Variants in TLK1 observed in about 807,000 individuals in gnomAD.
The protein encoded by TLK1 is serine/threonine-protein kinase tousled-like 1.
A neutral mutation model predicts 105.3 loss-of-function variants in TLK1; 24 were observed. The observed-to-expected ratio is 0.23, with a 90% CI of 0.17 to 0.32. The LOEUF (loss-of-function observed/expected upper bound fraction) is 0.32, where lower values mean the gene tolerates loss of function less well. TLK1 is among the 10% of genes least tolerant of loss of function. The pLI is 1.00. For missense variants in TLK1, 558 were observed against 910.5 expected (o/e 0.61, Z 4.98); for synonymous variants, 321 against 310.4 (o/e 1.03, Z -0.36).
At chr2:171,176,615 C>T (rs1397442799) in intron 1 of TLK1, among the ~76,000 whole-genome samples, 1 of 152,154 alleles carries the variant, frequency 6.6e-6, no homozygotes, top group East Asian at 1.9e-4. Flanking sequence ...TCTAATATTA[C>T]CATTGCTCCT....
intron 18 of TLK1, among the ~76,000 whole-genome samples, chr2:171,003,993 C>T (rs56191582): frequency 0.11 from 17,184 of 151,510 alleles, 1,533 homozygotes; most frequent in African/African-American, 0.24. Flanking sequence ...CTTGCTCTGT[C>T]GCCCAGGCAG....
At chr2:171,194,319 C>T (rs1303864463) in intron 1 of TLK1, among the ~76,000 whole-genome samples, 4 of 152,130 alleles carry the variant, frequency 2.6e-5, no homozygotes, top group Non-Finnish European at 5.9e-5. Context: ...TTCCATCTTC[C>T]ACACCTTCAG....
At chr2:171,085,954 GTGCTAATGTT>G (rs1688954427) in intron 2 of TLK1, among the ~76,000 whole-genome samples, 1 of 152,168 alleles carries the variant, frequency 6.6e-6, no homozygotes, top group Non-Finnish European at 1.5e-5. Context: ...TTTGTTCACT[GTGCTAATGTT>G]ATTTTGAGAC....
At chr2:171,094,727 G>A (rs1689381458) in intron 2 of TLK1, among the ~76,000 whole-genome samples, 1 of 152,130 alleles carries the variant, frequency 6.6e-6, no homozygotes, top group South Asian at 2.1e-4. Context: ...TCCTGCCTCA[G>A]CCTCCCGAGT....
chr2:171,041,142 C>G (rs1004934108), intron 11 of TLK1, among the ~76,000 whole-genome samples: 1 of 152,098 alleles, frequency 6.6e-6, no homozygotes, highest in African/African-American at 2.4e-5. Flanking sequence ...ACTACCCAAA[C>G]TATTTACTCT....
chr2:171,086,083 GA>G (rs373969227), intron 2 of TLK1, among the ~76,000 whole-genome samples: 56 of 151,980 alleles, frequency 3.7e-4, no homozygotes, highest in African/African-American at 8.9e-4. Flanking sequence ...AGATGCATAT[GA>G]AAAAAACCTT....
At chr2:171,211,613 G>A (rs755309054) in intron 1 of TLK1, among the ~76,000 whole-genome samples, 8 of 150,936 alleles carry the variant, frequency 5.3e-5, no homozygotes, top group Non-Finnish European at 4.4e-5. Flanking sequence ...GCAATGGCGC[G>A]ATGTTGGTTC....
At chr2:171,177,871 G>A (rs753856433) in intron 1 of TLK1, among the ~76,000 whole-genome samples, 22 of 152,092 alleles carry the variant, frequency 1.4e-4, no homozygotes, top group Non-Finnish European at 2.9e-4. Context: ...TTGGCTCACC[G>A]CAACCTCTGC....
intron 1 of TLK1, among the ~76,000 whole-genome samples, chr2:171,131,101 ATATATC>A (rs148819275): frequency 0.064 from 9,741 of 151,922 alleles, 394 homozygotes; most frequent in South Asian, 0.11. Context: ...GCAGAGATCT[ATATATC>A]TATATATAGA....
At position 171,160,588 on chromosome 2, in the gene TLK1, G is replaced by C; in HGVS notation, c.-160C>G. On this transcript the variant is annotated 5_prime_UTR_variant, in exon 1 of 21. Coordinates refer to ENST00000431350, the MANE Select transcript of TLK1 (RefSeq NM_012290.5). This position sits in a 1 kb window ranked among gnomAD's most constrained non-coding sequence, Gnocchi z 4.4. ...GGGATGGGGGAGGAAACCGAGAAGA[G>C]GGGAGGTGGGGAGGAAAGAGGTGAG... is the stretch of plus-strand genomic sequence containing the variant. 8.7e-7 allele frequency: 1 copy of C among 1,145,350 alleles called. No individual in the cohort carries two copies. 70.9% of individuals were successfully genotyped at this position (1,145,350 alleles called of 1,614,324 possible). A position where few individuals can be genotyped will look rare whatever the true frequency, so the allele number is the denominator to read the frequency against.
Position 171,053,802 on chromosome 2 carries a change from C to T in TLK1, c.691G>A (p.Asp231Asn). The T allele has an allele frequency of 6.2e-7, 1 of 1,610,558 alleles. No individual in the cohort carries two copies. The highest frequency in any genetic ancestry group is 8.5e-7 in the Non-Finnish European group (1 of 1,178,334). ...LAALESNKIQDLEKKEGRIDD... is the reference protein window; with the variant it reads ...LAALESNKIQNLEKKEGRIDD... The stretch of plus-strand genomic sequence containing the variant: ...ATACGTCCCTCCTTCTTTTCCAGGT[C>T]CTGGATTTTATTACTTTCTAATGCT... The change falls in exon 8 of 21, where the codon GAC becomes AAC. Residue 231 changes from aspartate to asparagine, a missense_variant. Transcript: ENST00000431350.
intron 2 of TLK1, among the ~76,000 whole-genome samples, chr2:171,106,733 C>T (rs568641496): frequency 6.6e-6 from 1 of 152,294 alleles, no homozygotes; most frequent in African/African-American, 2.4e-5. Flanking sequence ...AATTTGCCTA[C>T]CTATTAATAC....
intron 1 of TLK1, among the ~76,000 whole-genome samples, chr2:171,152,622 G>T (rs1387576151): frequency 6.6e-6 from 1 of 151,940 alleles, no homozygotes; most frequent in East Asian, 1.9e-4. Flanking sequence ...TCTTCCCCTT[G>T]CCCATACTGA....
At chr2:171,181,185 T>C (rs945910034) in intron 1 of TLK1, among the ~76,000 whole-genome samples, 3 of 152,196 alleles carry the variant, frequency 2.0e-5, no homozygotes, top group Non-Finnish European at 4.4e-5. Context: ...TCAAAGTTGG[T>C]AGTTGTAAAA....
Position 171,216,333 on chromosome 2 carries a change from G to A in TLK1, c.-6+14812C>T, listed in dbSNP as rs567931579. ...CTACTAAAAATACAAAAAATTAGCC[G>A]GGTGTGGTGGTGGGCGCCTGTAGTC... On this transcript the variant is annotated intron_variant, in intron 1 of 20. Coordinates refer to the TLK1 transcript ENST00000521943. Among the ~76,000 whole-genome samples, 56 of 152,190 alleles carry A rather than the reference G, an allele frequency of 3.7e-4. 1 individual carries two copies. In the South Asian group the frequency reaches 0.011, roughly 29 times the overall value.
intron 1 of TLK1, among the ~76,000 whole-genome samples, chr2:171,136,412 C>T (rs895604745): frequency 6.6e-6 from 1 of 152,138 alleles, no homozygotes; most frequent in Non-Finnish European, 1.5e-5. Context: ...CAGGAATACA[C>T]TTAACACTAC....
intron 1 of TLK1, among the ~76,000 whole-genome samples, chr2:171,169,241 C>T (rs1452678893): frequency 2.6e-5 from 4 of 151,858 alleles, no homozygotes; most frequent in African/African-American, 7.3e-5. Flanking sequence ...TTGAAAATAA[C>T]GTAAATGTAC....
At chr2:171,181,905 C>T (rs1692934631) in intron 1 of TLK1, among the ~76,000 whole-genome samples, 1 of 152,156 alleles carries the variant, frequency 6.6e-6, no homozygotes, top group South Asian at 2.1e-4. Context: ...GCTTTACTTC[C>T]TTCCTTATCC....
At chr2:171,072,903 T>C (rs2105463721) in intron 3 of TLK1, among the ~76,000 whole-genome samples, 1 of 136,362 alleles carries the variant, frequency 7.3e-6, no homozygotes, top group Non-Finnish European at 1.5e-5. Flanking sequence ...CACTCCAGCC[T>C]GGGCAACAGA....
Sources: allele counts gnomAD v4.1 joint callset (sites outside exome capture counted in the v4.1 genomes callset), GRCh38; gene constraint gnomAD v4.1.1; non-coding constraint Gnocchi (gnomAD v3.1); transcripts MANE v1.5; gene names NCBI Gene and HGNC (gene_info 2026-07-23, HGNC 2026-07-21).